Variants in RPS6KC1 observed in about 807,000 individuals in gnomAD.
RPS6KC1 encodes the protein inactive ribosomal protein S6 kinase delta-1.
RPS6KC1 carries 54 observed loss-of-function variants against 103.8 expected under a neutral mutation model. The ratio of observed to expected loss-of-function variants is 0.52; its 90% CI spans 0.42 to 0.65. The LOEUF is 0.65. RPS6KC1 is among the 30% of genes least tolerant of loss of function. The pLI, the probability that RPS6KC1 is intolerant of heterozygous loss-of-function variation, is 0.00. For missense variants in RPS6KC1, 1,151 were observed against 1,253.8 expected, an observed-to-expected ratio of 0.92 and a Z score of 1.24; for synonymous variants, 439 against 438.7, an observed-to-expected ratio of 1.00 and a Z score of -0.01.
chr1:213,138,385 G>A (rs1572771083), intron 6 of RPS6KC1, among the ~76,000 whole-genome samples: 1 of 151,864 alleles, frequency 6.6e-6, no homozygotes, highest in African/African-American at 2.4e-5. Flanking sequence ...AGGTTCAAGG[G>A]GTATATGTGC....
the RPS6KC1 span, among the ~76,000 whole-genome samples, chr1:213,806,356 AAAG>A: frequency 2.0e-5 from 3 of 152,148 alleles, no homozygotes; most frequent in African/African-American, 7.2e-5. Flanking sequence ...AATAAAATAA[AAAG>A]AAAAAAAAAT....
the RPS6KC1 span, among the ~76,000 whole-genome samples, chr1:213,625,605 G>C: frequency 6.6e-6 from 1 of 152,146 alleles, no homozygotes; most frequent in African/African-American, 2.4e-5. Context: ...ACAGTCCCCG[G>C]TGTGTGATGT....
In RPS6KC1 at chr1:213,214,073, C is replaced by T. The variant is rs371755382; in HGVS notation, c.1045-16424C>T. 3.4e-4 allele frequency among the ~76,000 whole-genome samples: 51 copies of T among 151,634 alleles called. No individual in the cohort carries two copies. In the South Asian group the frequency reaches 9.6e-3, roughly 29 times the overall value. ...GCACCGAGCATGAGCCGAAGCAGGG[C>T]GAGGCATCGCCTCACCTGGGAAGCG... On this transcript the variant is annotated intron_variant, in intron 8 of 14. Transcript: ENST00000366960.
the RPS6KC1 span, among the ~76,000 whole-genome samples, chr1:213,756,517 C>T: frequency 3.9e-5 from 6 of 152,282 alleles, no homozygotes; most frequent in Non-Finnish European, 8.8e-5. Flanking sequence ...GTGTTGAACA[C>T]GTCTATCAGC....
the RPS6KC1 span, among the ~76,000 whole-genome samples, chr1:213,603,649 C>T: frequency 5.3e-5 from 8 of 151,834 alleles, no homozygotes; most frequent in African/African-American, 1.4e-4. Flanking sequence ...CACTTGAGGT[C>T]AGGAGTTCGA....
chr1:213,790,674 A>G, the RPS6KC1 span, among the ~76,000 whole-genome samples: 5 of 152,200 alleles, frequency 3.3e-5, no homozygotes, highest in African/African-American at 1.2e-4. Context: ...GGGCTCATCC[A>G]TGAAACACAA....
At chr1:213,064,318 A>G (rs1361451857) in intron 1 of RPS6KC1, among the ~76,000 whole-genome samples, 1 of 151,128 alleles carries the variant, frequency 6.6e-6, no homozygotes, top group African/African-American at 2.4e-5. Flanking sequence ...TGGCCTCCCA[A>G]AGTGTTGGGA....
chr1:213,220,628 T>C (rs1330429058), intron 8 of RPS6KC1, among the ~76,000 whole-genome samples: 1 of 152,352 alleles, frequency 6.6e-6, no homozygotes. Context: ...CCCAGCCTTC[T>C]GTTGCCATTT....
At chr1:213,215,561 C>T (rs1210948556) in intron 8 of RPS6KC1, among the ~76,000 whole-genome samples, 5 of 152,104 alleles carry the variant, frequency 3.3e-5, no homozygotes, top group Admixed American at 6.5e-5. Context: ...AGAGCAACTC[C>T]AAGACACATA....
the RPS6KC1 span, among the ~76,000 whole-genome samples, chr1:213,658,198 G>A: frequency 6.6e-6 from 1 of 152,238 alleles, no homozygotes. Flanking sequence ...GAGGGAGATT[G>A]TCTAGGAACC....
At chr1:213,592,845 G>A in the RPS6KC1 span, among the ~76,000 whole-genome samples, 5 of 152,058 alleles carry the variant, frequency 3.3e-5, no homozygotes, top group East Asian at 1.9e-4. Context: ...CAAGCCAATC[G>A]ATTAATGAAC....
chr1:213,135,640 C>T (rs2086186730), intron 6 of RPS6KC1, among the ~76,000 whole-genome samples: 1 of 152,110 alleles, frequency 6.6e-6, no homozygotes, highest in Non-Finnish European at 1.5e-5. Context: ...TAGAAGGAAG[C>T]ATTTTAAAAC....
the RPS6KC1 span, among the ~76,000 whole-genome samples, chr1:213,389,198 A>G: frequency 2.6e-5 from 4 of 151,986 alleles, no homozygotes; most frequent in East Asian, 7.7e-4. Flanking sequence ...TACAAATGGT[A>G]ATGTACCAAC....
rs2095099872 is a variant in RPS6KC1 at position 213,274,307 on chromosome 1, C to G, written c.*1673C>G. ...TTCCTGTGTAGGACTAGTAGGAAAT[C>G]TGCAAGTACTTAGAGCTGGCCATTA... On this transcript the variant is annotated 3_prime_UTR_variant, in exon 15 of 15. Coordinates refer to ENST00000366960, the MANE Select transcript of RPS6KC1 (RefSeq NM_012424.6). The G allele has an allele frequency of 6.6e-6, 1 of 152,216 alleles. No individual in the cohort carries two copies. The highest frequency in any genetic ancestry group is 2.4e-5 in the African/African-American group (1 of 41,450). The allele number at this position is 152,216 out of a possible 1,614,324, so 9.4% of individuals were successfully genotyped here. A position where few individuals can be genotyped will look rare whatever the true frequency, so the allele number is the denominator to read the frequency against.
the RPS6KC1 span, among the ~76,000 whole-genome samples, chr1:213,506,012 T>C: frequency 3.3e-5 from 5 of 152,150 alleles, no homozygotes; most frequent in Non-Finnish European, 7.4e-5. Flanking sequence ...TTGTTGTCCT[T>C]GGATCAGGTG....
chr1:213,298,343 C>G, the RPS6KC1 span, among the ~76,000 whole-genome samples: 2 of 152,148 alleles, frequency 1.3e-5, no homozygotes, highest in African/African-American at 2.4e-5. Flanking sequence ...AGGCAATTAT[C>G]TTGGATTCTA....
the RPS6KC1 span, among the ~76,000 whole-genome samples, chr1:213,775,154 A>G: frequency 6.6e-6 from 1 of 152,226 alleles, no homozygotes. Flanking sequence ...AATCAACAAT[A>G]CATTGTGTAT....
At chr1:213,138,235 AC>A (rs1164618724) in intron 6 of RPS6KC1, among the ~76,000 whole-genome samples, 5 of 152,040 alleles carry the variant, frequency 3.3e-5, no homozygotes, top group Non-Finnish European at 7.4e-5. Flanking sequence ...TCATTTATGT[AC>A]AGGCTTACCT....
chr1:213,369,975 G>A, the RPS6KC1 span, among the ~76,000 whole-genome samples: 1 of 152,182 alleles, frequency 6.6e-6, no homozygotes, highest in African/African-American at 2.4e-5. Flanking sequence ...GTAAGATGGT[G>A]CCAAATCTGT....
Sources: gnomAD v4.1 joint callset for allele counts (sites outside exome capture counted in the v4.1 genomes callset) on GRCh38, gnomAD v4.1.1 for gene constraint, MANE v1.5 for transcripts, NCBI Gene and HGNC (gene_info 2026-07-23, HGNC 2026-07-21) for gene names.